FAM107B: variants seen among roughly 807,000 people sequenced by gnomAD.
FAM107B encodes family with sequence similarity 107 member B.
Under a neutral mutation model 31.5 loss-of-function variants are expected in FAM107B, and 21 were observed. That is an observed-to-expected ratio of 0.67 (90% CI 0.47 to 0.96). The LOEUF (loss-of-function observed/expected upper bound fraction) is 0.96, where lower values mean the gene tolerates loss of function less well. FAM107B is among the 40% of genes least tolerant of loss of function. The probability of loss-of-function intolerance (pLI) is 0.00; values close to 1 mark genes in which losing one functional copy is unlikely to be tolerated. For missense variants in FAM107B, 452 were observed against 377.1 expected (o/e 1.20, Z -1.64); for synonymous variants, 157 against 141.5 (o/e 1.11, Z -0.78).
intron 1 of FAM107B, among the ~76,000 whole-genome samples, chr10:14,668,458 A>C (rs1854463725): frequency 6.6e-6 from 1 of 152,174 alleles, no homozygotes; most frequent in African/African-American, 2.4e-5. Flanking sequence ...ATCATTATTC[A>C]CAGTTATATT....
At chr10:14,580,858 GCAGAACGTTCTTCC>G (rs1851612596) in intron 2 of FAM107B, among the ~76,000 whole-genome samples, 1 of 152,188 alleles carries the variant, frequency 6.6e-6, no homozygotes, top group African/African-American at 2.4e-5. Context: ...AATGTATTCT[GCAGAACGTTCTTCC>G]CAGAGATCAT....
intron 1 of FAM107B, among the ~76,000 whole-genome samples, chr10:14,767,470 G>A (rs2768711): frequency 0.2 from 30,170 of 151,828 alleles, 8,130 homozygotes; most frequent in African/African-American, 0.61. Flanking sequence ...AGATTACACC[G>A]TGACTAAGTG....
chr10:14,560,645 G>C (rs1850163627), intron 2 of FAM107B, among the ~76,000 whole-genome samples: 1 of 152,172 alleles, frequency 6.6e-6, no homozygotes, highest in South Asian at 2.1e-4. Context: ...GCAAGAGACA[G>C]GTATGAGGGA....
At chr10:14,729,426 G>A (rs956370862) in intron 1 of FAM107B, among the ~76,000 whole-genome samples, 1 of 152,192 alleles carries the variant, frequency 6.6e-6, no homozygotes, top group African/African-American at 2.4e-5. Context: ...GCCAAGCCTG[G>A]TCCTGGGCAG....
chr10:14,706,530 C>T (rs982918922), intron 1 of FAM107B, among the ~76,000 whole-genome samples: 1 of 152,152 alleles, frequency 6.6e-6, no homozygotes, highest in Non-Finnish European at 1.5e-5. Context: ...TAAAACTTCA[C>T]CCCAAAGTGA....
intron 2 of FAM107B, among the ~76,000 whole-genome samples, chr10:14,606,212 G>A (rs913968272): frequency 2.2e-4 from 34 of 152,088 alleles, no homozygotes; most frequent in African/African-American, 8.2e-4. Context: ...TGAATATATG[G>A]CCTTGTCATG....
intron 2 of FAM107B, among the ~76,000 whole-genome samples, chr10:14,612,159 T>C (rs1304636021): frequency 6.6e-6 from 1 of 152,198 alleles, no homozygotes; most frequent in Admixed American, 6.5e-5. Context: ...AAGGTTTACT[T>C]ATTAACTCTG....
At chr10:14,667,381 C>T (rs1379511496) in intron 2 of FAM107B, among the ~76,000 whole-genome samples, 3 of 152,140 alleles carry the variant, frequency 2.0e-5, no homozygotes, top group Non-Finnish European at 2.9e-5. Flanking sequence ...TACTTCTTTG[C>T]AAGTGTTTGT....
chr10:14,586,608 C>A lies in FAM107B; in HGVS notation c.470-56093G>T, dbSNP rs1042680934. Among the ~76,000 whole-genome samples the A allele has an allele frequency of 3.3e-5, 5 of 152,154 alleles. No homozygotes were observed. The East Asian group carries it at 5.8e-4, about 18-fold the overall frequency. ...ATGTGGGGATACAGCAAAAAGGTGG[C>A]CTTCTACAAAACACGAAGGGAGCCC... On this transcript the variant is annotated intron_variant, in intron 2 of 4. Transcript: ENST00000181796.
chr10:14,649,568 A>G (rs1055232068), intron 2 of FAM107B, among the ~76,000 whole-genome samples: 2 of 152,222 alleles, frequency 1.3e-5, no homozygotes, highest in Admixed American at 6.5e-5. Flanking sequence ...ACATCTTTAG[A>G]TAATCACTTA....
At chr10:14,744,436 T>A (rs956175394) in intron 1 of FAM107B, among the ~76,000 whole-genome samples, 3 of 152,262 alleles carry the variant, frequency 2.0e-5, no homozygotes, top group African/African-American at 7.2e-5. Context: ...AGTTTTCAAG[T>A]GGAATGCTTC....
chr10:14,693,619 T>G (rs991918769), intron 1 of FAM107B, among the ~76,000 whole-genome samples: 1 of 152,128 alleles, frequency 6.6e-6, no homozygotes, highest in Non-Finnish European at 1.5e-5. Flanking sequence ...GCGGCTAAAA[T>G]CTACTCATCT....
chr10:14,547,448 T>C (rs1848804599), intron 2 of FAM107B, among the ~76,000 whole-genome samples: 1 of 152,176 alleles, frequency 6.6e-6, no homozygotes, highest in African/African-American at 2.4e-5. Context: ...TACAGAAGAA[T>C]ATGTTCTAAC....
chr10:14,715,651 C>T (rs754410394), intron 1 of FAM107B, among the ~76,000 whole-genome samples: 40 of 152,268 alleles, frequency 2.6e-4, no homozygotes, highest in Non-Finnish European at 4.3e-4. Flanking sequence ...CTATTGAGGG[C>T]GTGAATAGAA....
intron 1 of FAM107B, among the ~76,000 whole-genome samples, chr10:14,734,488 GTTT>G (rs74521923): frequency 7.2e-6 from 1 of 138,504 alleles, no homozygotes; most frequent in Admixed American, 7.2e-5. Flanking sequence ...TTTTTGTGAG[GTTT>G]TTTTTTTTTT....
rs558833359 is a variant in FAM107B at position 14,604,362 on chromosome 10, C to T, written c.469+63272G>A. 53 of 527,878 alleles carry T rather than the reference C, an allele frequency of 1.0e-4. No homozygotes were observed. In the East Asian group the frequency reaches 3.2e-3, roughly 31 times the overall value. 32.7% of individuals were successfully genotyped at this position (527,878 alleles called of 1,614,324 possible). The stretch of plus-strand genomic sequence containing the variant: ...GGCGCGAGGGCGGCTCCGGGGGCGG[C>T]GGCCCGGCCCGCAAGCCAGTCCGGC... On this transcript the variant is annotated intron_variant, in intron 2 of 4. Coordinates refer to ENST00000181796, the MANE Select transcript of FAM107B (RefSeq NM_031453.4).
At chr10:14,772,380 T>C (rs1348960175) in intron 1 of FAM107B, among the ~76,000 whole-genome samples, 4 of 151,332 alleles carry the variant, frequency 2.6e-5, no homozygotes, top group Non-Finnish European at 4.4e-5. Context: ...TATATATATA[T>C]GCACCTCACT....
rs1430399976 is a variant in FAM107B, at chr10:14,722,550, T to G, written c.411+51703A>C. Among the ~76,000 whole-genome samples, 3 of 152,242 alleles carry G rather than the reference T, an allele frequency of 2.0e-5. No homozygotes were observed. In the East Asian group the frequency reaches 5.8e-4, roughly 29 times the overall value. On this transcript the variant is annotated intron_variant, in intron 1 of 4. Coordinates refer to ENST00000181796, the MANE Select transcript of FAM107B (RefSeq NM_031453.4). Reference sequence around the variant, plus strand: ...CTGTAAAGTTGTACTCTCTGCTGTTTCGATTTGCATTTCCCTAATGACTAA... The same window carrying G: ...CTGTAAAGTTGTACTCTCTGCTGTTGCGATTTGCATTTCCCTAATGACTAA...
At chr10:14,599,568 C>G (rs1588647868) in intron 2 of FAM107B, among the ~76,000 whole-genome samples, 1 of 152,050 alleles carries the variant, frequency 6.6e-6, no homozygotes, top group Non-Finnish European at 1.5e-5. Flanking sequence ...TTTGGGAGGC[C>G]AAGGCAGGAG....
Sources: allele counts gnomAD v4.1 joint callset (sites outside exome capture counted in the v4.1 genomes callset), GRCh38; gene constraint gnomAD v4.1.1; transcripts MANE v1.5; gene names NCBI Gene and HGNC (gene_info 2026-07-23, HGNC 2026-07-21).